PCM1: variants seen among roughly 807,000 people sequenced by gnomAD.
The protein encoded by PCM1 is pericentriolar material 1 protein.
Under a neutral mutation model 241.9 loss-of-function variants are expected in PCM1, and 157 were observed. That is an observed-to-expected ratio of 0.65 (90% confidence interval 0.57 to 0.74). The LOEUF is 0.74. Ranked by LOEUF, PCM1 falls within the 30% of genes least tolerant of loss-of-function variation. The probability of loss-of-function intolerance (pLI) is 0.00; values close to 1 mark genes in which losing one functional copy is unlikely to be tolerated. For missense variants in PCM1, 3,478 were observed against 2,360.1 expected, an observed-to-expected ratio of 1.47 and a Z score of -9.81; for synonymous variants, 1,085 against 784.9, an observed-to-expected ratio of 1.38 and a Z score of -6.39.
chr8:17,956,583 C>T (rs775971185), intron 10 of PCM1, 21 bp from the exon 11 acceptor site: 11 of 1,481,202 alleles, frequency 7.4e-6, no homozygotes, highest in Admixed American at 1.9e-5. Flanking sequence ...AAATCGTATA[C>T]ATAAATTTTT....
At chr8:17,956,543 A>G (rs1470440567) in intron 10 of PCM1, 61 bp from the exon 11 acceptor site, 1 of 1,002,132 alleles carries the variant, frequency 1.0e-6, no homozygotes, top group Non-Finnish European at 1.5e-6. Flanking sequence ...TATGAAAATA[A>G]TGTCTGTATT....
rs1489017275 is a variant in PCM1, at chr8:17,923,178, T to TTCTTGTAGCC, written c.-93_-92insCCTCTTGTAG. 1 of 152,396 alleles carries TTCTTGTAGCC rather than the reference T, an allele frequency of 6.6e-6. No homozygotes were observed. The highest frequency in any genetic ancestry group is 2.4e-5 in the African/African-American group (1 of 41,454). 9.4% of individuals were successfully genotyped at this position (152,396 alleles called of 1,614,324 possible). On this transcript the variant is annotated 5_prime_UTR_variant, in exon 1 of 39. Transcript: ENST00000325083. ...CTCTGCCTTTGACAGGAGAGGCTGC[T>TTCTTGTAGCC]TCTTGTAGAGGTAATGCCTGCGCGT...
At chr8:18,011,207 A>G (rs978985809) in intron 32 of PCM1, 30 bp from the exon 33 acceptor site, 1 of 1,536,044 alleles carries the variant, frequency 6.5e-7, no homozygotes, top group African/African-American at 1.4e-5. Flanking sequence ...TACTTTAAGG[A>G]ATTAATTACT....
intron 2 of PCM1, chr8:17,925,251 C>T (rs750806898): frequency 6.6e-6 from 1 of 152,040 alleles, no homozygotes; most frequent in Non-Finnish European, 1.5e-5. Flanking sequence ...TCTCCCTTTC[C>T]TGGTATAAAG....
At chr8:18,015,819 CT>C (rs1436992017) in intron 36 of PCM1, 5 of 152,226 alleles carry the variant, frequency 3.3e-5, no homozygotes, top group African/African-American at 1.2e-4. Context: ...CTCGCTGCAT[CT>C]GGAGGTCCTG....
intron 7 of PCM1, among the ~76,000 whole-genome samples, chr8:17,948,350 G>C (rs1387767154): frequency 7.6e-6 from 1 of 132,246 alleles, no homozygotes; most frequent in Admixed American, 8.8e-5. Context: ...TGTTGCCCAG[G>C]CTGGAGTGCA....
In PCM1 at chr8:17,966,096, C is replaced by A; in HGVS notation, c.2953C>A (p.Arg985Ser). The change falls in exon 19 of 39, where the codon CGT becomes AGT. Residue 985 changes from arginine (R) to serine (S), a missense_variant. Arg to Ser is a moderately radical substitution (Grantham distance 110). Coordinates refer to ENST00000325083, the MANE Select transcript of PCM1 (RefSeq NM_006197.4). ...CAGCATGCAACGGCAAGAAAACCTT[C>A]GTTGGGTGTCAGAGCTCTCTTACGT... ...NISMQRQENLRWVSELSYVEE... is the reference protein window; with the variant it reads ...NISMQRQENLSWVSELSYVEE... 6.2e-7 allele frequency: 1 copy of A among 1,613,778 alleles called. No individual in the cohort carries two copies. Among genetic ancestry groups the A allele is most frequent in the Non-Finnish European group, 8.5e-7 (1 of 1,179,752 alleles).
At chr8:17,933,961 T>G (rs1343800240) in intron 2 of PCM1, among the ~76,000 whole-genome samples, 1 of 152,068 alleles carries the variant, frequency 6.6e-6, no homozygotes, top group Non-Finnish European at 1.5e-5. Context: ...ATATGCTCAT[T>G]AAAAAAAGAG....
intron 38 of PCM1, among the ~76,000 whole-genome samples, chr8:18,026,944 A>C (rs144511979): frequency 1.3e-5 from 2 of 152,248 alleles, no homozygotes; most frequent in Admixed American, 6.5e-5. Context: ...GGTTGCTTCT[A>C]TATAAATATC....
At chr8:17,961,610 C>G (rs1461409267) in intron 15 of PCM1, among the ~76,000 whole-genome samples, 1 of 152,088 alleles carries the variant, frequency 6.6e-6, no homozygotes, top group Non-Finnish European at 1.5e-5. Flanking sequence ...CGCTCCCGGC[C>G]TATTGGCTAG....
chr8:17,938,385 T>C (rs1191582788), intron 4 of PCM1, among the ~76,000 whole-genome samples: 5 of 152,188 alleles, frequency 3.3e-5, no homozygotes, highest in African/African-American at 9.7e-5. Flanking sequence ...TCCTAAGATA[T>C]ATCTCATGTT....
Position 18,014,805 on chromosome 8 carries a change from C to G in PCM1, c.5806C>G (p.Pro1936Ala). 6.2e-7 allele frequency: 1 copy of G among 1,604,238 alleles called. No individual in the cohort carries two copies. Among genetic ancestry groups the G allele is most frequent in the South Asian group, 1.1e-5 (1 of 90,526 alleles). The change falls in exon 36 of 39, where the codon CCT becomes GCT. Residue 1936 changes from proline to alanine, a missense_variant. Physicochemically the swap from Pro to Ala is conservative, Grantham distance 27. Coordinates refer to ENST00000325083, the MANE Select transcript of PCM1 (RefSeq NM_006197.4). ...TCCTGAAAGCTCTCTGGCTGGAAGT[C>G]CTGATACTGAATCTCCAGTGTTAGT... ...ETPESSLAGSPDTESPVLVND... is the reference protein window; with the variant it reads ...ETPESSLAGSADTESPVLVND...
chr8:18,011,736 A>T lies in PCM1; in HGVS notation c.5420A>T (p.Glu1807Val), dbSNP rs926042982. 1.9e-6 allele frequency: 3 copies of T among 1,613,500 alleles called. No homozygotes were observed. The African/African-American group carries it at 4.0e-5, about 22-fold the overall frequency. Residue 1807 changes from glutamate (E) to valine (V), a missense_variant, in exon 34 of 39, where the codon GAA (glutamate) becomes GTA (valine). Glu to Val is a moderately radical substitution (Grantham distance 121, BLOSUM62 -2). Coordinates refer to ENST00000325083, the MANE Select transcript of PCM1 (RefSeq NM_006197.4). ...GGAGAAGATGAAAATGAGGATGAAGAAATGGAAGAATTTGAAGAAGGCCCT... is the reference window on the plus strand; with the variant it reads ...GGAGAAGATGAAAATGAGGATGAAGTAATGGAAGAATTTGAAGAAGGCCCT... ...GSGEDENEDE[E>V]MEEFEEGPVD...
intron 13 of PCM1, among the ~76,000 whole-genome samples, chr8:17,959,691 T>A (rs1418422290): frequency 6.6e-6 from 1 of 152,222 alleles, no homozygotes; most frequent in Non-Finnish European, 1.5e-5. Context: ...TAAGCAGTGG[T>A]ATGTGAGAGT....
At chr8:17,961,502 G>A (rs910340860) in intron 15 of PCM1, among the ~76,000 whole-genome samples, 5 of 151,778 alleles carry the variant, frequency 3.3e-5, no homozygotes, top group African/African-American at 4.8e-5. Context: ...TAGTAGAGAC[G>A]GGGTTTCACC....
At chr8:17,953,907 C>G (rs2067020734) in intron 9 of PCM1, among the ~76,000 whole-genome samples, 1 of 152,186 alleles carries the variant, frequency 6.6e-6, no homozygotes, top group African/African-American at 2.4e-5. Context: ...AACATTCTAG[C>G]TGCTGTCTAA....
intron 29 of PCM1, among the ~76,000 whole-genome samples, chr8:17,996,673 G>A (rs994213678): frequency 1.3e-5 from 2 of 151,708 alleles, no homozygotes; most frequent in Non-Finnish European, 2.9e-5. Flanking sequence ...CATTGTTTTC[G>A]TATCTGTTAT....
Position 18,006,406 on chromosome 8 carries a change from T to G in PCM1, c.4962+9T>G. On this transcript the variant is annotated intron_variant, in intron 30 of 38. Coordinates refer to ENST00000325083, the MANE Select transcript of PCM1 (RefSeq NM_006197.4). ...TTGGAAGTATATTACAGGTAAGAGT[T>G]TATACTTGTATGATTTACCAATATG... 1 of 1,592,834 alleles carries G rather than the reference T, an allele frequency of 6.3e-7. No individual in the cohort carries two copies. Among genetic ancestry groups the G allele is most frequent in the Non-Finnish European group, 8.6e-7 (1 of 1,160,964 alleles).
At chr8:18,019,769 C>G (rs1262693796) in intron 36 of PCM1, among the ~76,000 whole-genome samples, 1 of 152,198 alleles carries the variant, frequency 6.6e-6, no homozygotes, top group Non-Finnish European at 1.5e-5. Context: ...CCCCCCACCA[C>G]TCACCTCCTG....
Sources: gnomAD v4.1 joint callset for allele counts (sites outside exome capture counted in the v4.1 genomes callset) on GRCh38, gnomAD v4.1.1 for gene constraint, MANE v1.5 for transcripts, NCBI Gene and HGNC (gene_info 2026-07-23, HGNC 2026-07-21) for gene names.